Variants in PLCXD3 observed in about 807,000 individuals in gnomAD.
PLCXD3 encodes the protein PI-PLC X domain-containing protein 3.
Under a neutral mutation model 25.5 loss-of-function variants are expected in PLCXD3, and 19 were observed. The ratio of observed to expected loss-of-function variants is 0.75; its 90% CI spans 0.52 to 1.09. The LOEUF (loss-of-function observed/expected upper bound fraction) is 1.09, where lower values mean the gene tolerates loss of function less well. Ranked by LOEUF, PLCXD3 falls within the 50% of genes least tolerant of loss-of-function variation. The probability of loss-of-function intolerance (pLI) is 0.00; values close to 1 mark genes in which losing one functional copy is unlikely to be tolerated. For missense variants in PLCXD3, 411 were observed against 388.1 expected (o/e 1.06, Z -0.50); for synonymous variants, 174 against 137.6 (o/e 1.26, Z -1.85).
intron 1 of PLCXD3, among the ~76,000 whole-genome samples, chr5:41,407,564 C>T (rs1016762076): frequency 6.6e-6 from 1 of 152,114 alleles, no homozygotes; most frequent in Admixed American, 6.5e-5. Context: ...CCTCAATCTT[C>T]CAGCTCGTGA....
chr5:41,441,433 T>A (rs1747382444), intron 1 of PLCXD3, among the ~76,000 whole-genome samples: 1 of 152,136 alleles, frequency 6.6e-6, no homozygotes, highest in Non-Finnish European at 1.5e-5. Context: ...TTTTTACTCC[T>A]CTCCTCATTC....
chr5:41,389,956 C>A (rs1177678966), intron 1 of PLCXD3, among the ~76,000 whole-genome samples: 1 of 152,118 alleles, frequency 6.6e-6, no homozygotes, highest in African/African-American at 2.4e-5. Context: ...CAAGATACAG[C>A]ACATTTCCAC....
At chr5:41,355,078 C>T (rs1259569555) in intron 2 of PLCXD3, among the ~76,000 whole-genome samples, 10 of 152,152 alleles carry the variant, frequency 6.6e-5, no homozygotes, top group Non-Finnish European at 1.3e-4. Context: ...CATCAAGCTT[C>T]CCTTTCTCCA....
At chr5:41,392,533 T>G (rs2150496524) in intron 1 of PLCXD3, among the ~76,000 whole-genome samples, 1 of 152,284 alleles carries the variant, frequency 6.6e-6, no homozygotes, top group Non-Finnish European at 1.5e-5. Context: ...CAGATACCAC[T>G]TAGATCACAA....
intron 1 of PLCXD3, among the ~76,000 whole-genome samples, chr5:41,507,428 A>T (rs1164671909): frequency 6.6e-6 from 1 of 152,224 alleles, no homozygotes; most frequent in African/African-American, 2.4e-5. Flanking sequence ...GTGAAATACT[A>T]ATACCAATTA....
At chr5:41,406,247 C>G (rs930793780) in intron 1 of PLCXD3, among the ~76,000 whole-genome samples, 1 of 152,034 alleles carries the variant, frequency 6.6e-6, no homozygotes, top group Non-Finnish European at 1.5e-5. Flanking sequence ...CCTCAACTTG[C>G]TTCATACTTT....
At chr5:41,387,732 T>C (rs1265602890) in intron 1 of PLCXD3, among the ~76,000 whole-genome samples, 4 of 152,160 alleles carry the variant, frequency 2.6e-5, no homozygotes, top group Non-Finnish European at 5.9e-5. Flanking sequence ...TTTAAACTAA[T>C]GAATTTCTCA....
intron 2 of PLCXD3, among the ~76,000 whole-genome samples, chr5:41,360,400 T>C (rs541763994): frequency 6.6e-6 from 1 of 152,300 alleles, no homozygotes; most frequent in African/African-American, 2.4e-5. Context: ...GTTGGTGAGC[T>C]GGTGTGATCT....
At chr5:41,328,684 G>A (rs1331702293) in intron 2 of PLCXD3, among the ~76,000 whole-genome samples, 1 of 152,144 alleles carries the variant, frequency 6.6e-6, no homozygotes, top group African/African-American at 2.4e-5. Flanking sequence ...AAACAGGGAA[G>A]CCTACAGGAA....
intron 2 of PLCXD3, among the ~76,000 whole-genome samples, chr5:41,340,395 AAATGG>A (rs1241188827): frequency 9.9e-5 from 15 of 152,220 alleles, no homozygotes; most frequent in African/African-American, 3.4e-4. Context: ...TTGTAAAAAT[AAATGG>A]AATGCCATGC....
intron 1 of PLCXD3, among the ~76,000 whole-genome samples, chr5:41,390,138 G>A (rs1745765336): frequency 6.6e-6 from 1 of 152,080 alleles, no homozygotes; most frequent in African/African-American, 2.4e-5. Context: ...CTTTTCCTTA[G>A]ATGATATATT....
chr5:41,355,698 A>G (rs897890496), intron 2 of PLCXD3, among the ~76,000 whole-genome samples: 22 of 152,168 alleles, frequency 1.4e-4, no homozygotes, highest in Admixed American at 6.5e-5. Flanking sequence ...TCATTCACCA[A>G]ATGATGTCTT....
At chr5:41,387,848 C>G (rs1745686394) in intron 1 of PLCXD3, among the ~76,000 whole-genome samples, 1 of 152,002 alleles carries the variant, frequency 6.6e-6, no homozygotes, top group South Asian at 2.1e-4. Context: ...ATATGTGATG[C>G]ACATAGATAA....
chr5:41,358,801 CAG>C (rs1744691395), intron 2 of PLCXD3, among the ~76,000 whole-genome samples: 2 of 152,118 alleles, frequency 1.3e-5, no homozygotes, highest in Non-Finnish European at 2.9e-5. Flanking sequence ...TTCCAGTTCT[CAG>C]GGGGAGTGCT....
Position 41,311,162 on chromosome 5 carries a change from A to T in PLCXD3, c.*2455T>A, listed in dbSNP as rs903707160. 1 of 152,170 alleles carries T rather than the reference A, an allele frequency of 6.6e-6. No individual in the cohort carries two copies. Among genetic ancestry groups the T allele is most frequent in the Non-Finnish European group, 1.5e-5 (1 of 68,020 alleles). The allele number at this position is 152,170 out of a possible 1,614,324, so 9.4% of individuals were successfully genotyped here. On this transcript the variant is annotated 3_prime_UTR_variant, in exon 3 of 3. Transcript: ENST00000377801. ...TTCTTGGCTAAGATCCTCCTGAAGG[A>T]TGAATGAATAGCCAGTTAGAGAGAA... is the stretch of plus-strand genomic sequence containing the variant.
At chr5:41,329,745 T>C (rs1396658489) in intron 2 of PLCXD3, among the ~76,000 whole-genome samples, 2 of 150,884 alleles carry the variant, frequency 1.3e-5, no homozygotes, top group African/African-American at 2.4e-5. Flanking sequence ...ATCATCATCT[T>C]TATAAGAGTA....
intron 1 of PLCXD3, among the ~76,000 whole-genome samples, chr5:41,472,289 A>G (rs1189005623): frequency 6.6e-6 from 1 of 152,130 alleles, no homozygotes; most frequent in African/African-American, 2.4e-5. Flanking sequence ...TAACTCTTCA[A>G]GTAACAATGG....
intron 1 of PLCXD3, among the ~76,000 whole-genome samples, chr5:41,499,088 G>C: frequency 6.6e-6 from 1 of 151,326 alleles, no homozygotes; most frequent in Non-Finnish European, 1.5e-5. Flanking sequence ...AGACCAGGAA[G>C]AAGGCAAGGA....
At chr5:41,457,917 A>G (rs1197224742) in intron 1 of PLCXD3, among the ~76,000 whole-genome samples, 2 of 151,924 alleles carry the variant, frequency 1.3e-5, no homozygotes, top group Non-Finnish European at 2.9e-5. Context: ...ACAGTCATAG[A>G]GCACAGAAAT....
Sources: allele counts gnomAD v4.1 joint callset (sites outside exome capture counted in the v4.1 genomes callset), GRCh38; gene constraint gnomAD v4.1.1; transcripts MANE v1.5; gene names NCBI Gene and HGNC (gene_info 2026-07-23, HGNC 2026-07-21).